The following ARID1B variants were observed in gnomAD, a reference collection of about 807,000 sequenced individuals.
ARID1B encodes AT-rich interactive domain-containing protein 1B.
In ARID1B, 30 loss-of-function variants were observed where a neutral mutation model predicts 212.3. The ratio of observed to expected loss-of-function variants is 0.14; its 90% CI spans 0.11 to 0.19. The LOEUF (loss-of-function observed/expected upper bound fraction) is 0.19, where lower values mean the gene tolerates loss of function less well. Ranked by LOEUF, ARID1B falls within the 10% of genes least tolerant of loss-of-function variation. The probability of loss-of-function intolerance (pLI) is 1.00; values close to 1 mark genes in which losing one functional copy is unlikely to be tolerated. For missense variants in ARID1B, 2,891 were observed against 3,204.0 expected, an observed-to-expected ratio of 0.90 and a Z score of 2.36; for synonymous variants, 1,402 against 1,301.7, an observed-to-expected ratio of 1.08 and a Z score of -1.66.
At chr6:157,143,235 C>T (rs932334985) in intron 7 of ARID1B, among the ~76,000 whole-genome samples, 7 of 152,140 alleles carry the variant, frequency 4.6e-5, no homozygotes, top group African/African-American at 1.7e-4. Context: ...GGTGGGCTGG[C>T]CCAGCATCTG....
At chr6:156,859,011 C>G (rs1785139089) in intron 2 of ARID1B, among the ~76,000 whole-genome samples, 2 of 152,148 alleles carry the variant, frequency 1.3e-5, no homozygotes, top group Admixed American at 1.3e-4. Flanking sequence ...CAACCCTATA[C>G]ACTTAGGGTA....
chr6:156,859,224 C>T (rs1036104345), intron 2 of ARID1B, among the ~76,000 whole-genome samples: 3 of 152,186 alleles, frequency 2.0e-5, no homozygotes, highest in African/African-American at 7.2e-5. Flanking sequence ...CGCCATTTTC[C>T]TGCCTCAGCC....
At chr6:156,987,962 T>C (rs553256275) in intron 4 of ARID1B, among the ~76,000 whole-genome samples, 1 of 152,302 alleles carries the variant, frequency 6.6e-6, no homozygotes, top group East Asian at 1.9e-4. Flanking sequence ...AGATAATAAG[T>C]GTGTGCATGA....
intron 8 of ARID1B, among the ~76,000 whole-genome samples, chr6:157,154,817 G>A (rs765636627): frequency 1.5e-4 from 23 of 152,104 alleles, no homozygotes; most frequent in African/African-American, 3.4e-4. Flanking sequence ...TCTTAACGTC[G>A]TGATCCACCC....
intron 4 of ARID1B, among the ~76,000 whole-genome samples, chr6:156,967,389 G>A (rs1363922067): frequency 7.9e-5 from 12 of 152,260 alleles, no homozygotes; most frequent in South Asian, 2.1e-4. Context: ...AAATAGATAT[G>A]AAAAAGTCAT....
At chr6:156,812,976 G>GTGTA (rs554173642) in intron 1 of ARID1B, among the ~76,000 whole-genome samples, 11,338 of 103,830 alleles carry the variant, frequency 0.11, 819 homozygotes, top group East Asian at 0.22. Context: ...GTGTGTGTGT[G>GTGTA]TATGTATATA....
At chr6:156,992,355 CT>C (rs1450626966) in intron 4 of ARID1B, among the ~76,000 whole-genome samples, 1 of 152,104 alleles carries the variant, frequency 6.6e-6, no homozygotes, top group Non-Finnish European at 1.5e-5. Flanking sequence ...TAACATGTAA[CT>C]GTTATATGTT....
chr6:157,075,653 G>A (rs1020356997), intron 4 of ARID1B, among the ~76,000 whole-genome samples: 4 of 152,232 alleles, frequency 2.6e-5, no homozygotes, highest in African/African-American at 9.6e-5. Context: ...AAGTGATCAA[G>A]GCTAACATCA....
At chr6:157,205,843 A>G (rs996048320) in intron 19 of ARID1B, 3 of 273,172 alleles carry the variant, frequency 1.1e-5, no homozygotes, top group Admixed American at 4.9e-5. Context: ...CAGGAACAGA[A>G]AGGTAAAGAA....
intron 2 of ARID1B, among the ~76,000 whole-genome samples, chr6:156,850,712 CTA>C (rs1279120813): frequency 6.6e-6 from 1 of 152,142 alleles, no homozygotes; most frequent in Non-Finnish European, 1.5e-5. Context: ...AAAGAATTGT[CTA>C]TTTAAATTTT....
At position 156,777,504 on chromosome 6, in the gene ARID1B, G is replaced by A. The variant is rs1233505440; in HGVS notation, c.-177G>A. On this transcript the variant is annotated 5_prime_UTR_variant, in exon 1 of 20. Transcript: ENST00000636930. Reference sequence around the variant, plus strand: ...TTCACCATGAAAGCACACAGCAGGAGCAGGCCCAGAGCGTAAGGCGTGCCC... The same window carrying A: ...TTCACCATGAAAGCACACAGCAGGAACAGGCCCAGAGCGTAAGGCGTGCCC... 2 of 151,152 alleles carry A rather than the reference G, an allele frequency of 1.3e-5. No individual in the cohort carries two copies. Among genetic ancestry groups the A allele is most frequent in the Non-Finnish European group, 3.0e-5 (2 of 67,782 alleles). 9.4% of individuals were successfully genotyped at this position (151,152 alleles called of 1,614,324 possible).
At chr6:157,184,160 C>CT in intron 12 of ARID1B, 71 bp from the exon 13 acceptor site, 1 of 1,427,464 alleles carries the variant, frequency 7.0e-7, no homozygotes, top group Non-Finnish European at 9.5e-7. Context: ...ACATTAAGTG[C>CT]TTTTTTTGTC....
intron 6 of ARID1B, among the ~76,000 whole-genome samples, chr6:157,127,006 A>C (rs1266638184): frequency 6.6e-6 from 1 of 152,250 alleles, no homozygotes; most frequent in African/African-American, 2.4e-5. Context: ...ATAAATAGGA[A>C]GAAAAGTCTT....
At chr6:157,010,278 G>GTTTTTTTTTTTTTTTTTTTTTTTTTT (rs367851681) in intron 4 of ARID1B, among the ~76,000 whole-genome samples, 1 of 102,244 alleles carries the variant, frequency 9.8e-6, no homozygotes, top group Non-Finnish European at 2.0e-5. Flanking sequence ...TGCATTGCCT[G>GTTTTTTTTTTTTTTTTTTTTTTTTTT]TTTTTTTTTT....
intron 1 of ARID1B, among the ~76,000 whole-genome samples, chr6:156,826,279 G>C (rs1169513119): frequency 1.3e-5 from 2 of 152,244 alleles, no homozygotes; most frequent in Non-Finnish European, 2.9e-5. Context: ...CCTTGGGACT[G>C]AGCTCAGGTA....
At chr6:156,889,301 A>T (rs1398716395) in intron 2 of ARID1B, among the ~76,000 whole-genome samples, 1 of 152,218 alleles carries the variant, frequency 6.6e-6, no homozygotes, top group African/African-American at 2.4e-5. Context: ...CTATTTTGTC[A>T]AAAAACACAC....
intron 3 of ARID1B, among the ~76,000 whole-genome samples, chr6:156,932,145 A>AGGGGG (rs61152353): frequency 3.3e-5 from 2 of 61,350 alleles, no homozygotes; most frequent in Non-Finnish European, 6.4e-5. Context: ...AAAAAAAAAA[A>AGGGGG]GGGGGGGGGC....
intron 4 of ARID1B, among the ~76,000 whole-genome samples, chr6:157,010,802 G>A (rs1368926703): frequency 6.6e-6 from 1 of 152,150 alleles, no homozygotes; most frequent in East Asian, 1.9e-4. Flanking sequence ...CGATAAGAAA[G>A]TAGGTGTGAC....
intron 3 of ARID1B, among the ~76,000 whole-genome samples, chr6:156,935,098 G>A (rs926063976): frequency 3.3e-5 from 5 of 151,318 alleles, no homozygotes; most frequent in African/African-American, 1.2e-4. Context: ...GTTTTGTTTT[G>A]TTCTGTTTTG....
Sources: allele counts gnomAD v4.1 joint callset (sites outside exome capture counted in the v4.1 genomes callset), GRCh38; gene constraint gnomAD v4.1.1; transcripts MANE v1.5; gene names NCBI Gene and HGNC (gene_info 2026-07-23, HGNC 2026-07-21).